PXDNL: variants seen among roughly 807,000 people sequenced by gnomAD.
PXDNL encodes the protein peroxidasin like.
In PXDNL, 145 loss-of-function variants were observed where a neutral mutation model predicts 150.8. The observed-to-expected ratio is 0.96, with a 90% CI of 0.84 to 1.10. PXDNL has a LOEUF of 1.10. PXDNL is among the 50% of genes least tolerant of loss of function. The probability of loss-of-function intolerance (pLI) is 0.00; values close to 1 mark genes in which losing one functional copy is unlikely to be tolerated. For missense variants in PXDNL, 2,087 were observed against 1,873.9 expected (o/e 1.11, Z -2.10); for synonymous variants, 757 against 725.7 (o/e 1.04, Z -0.69).
At chr8:51,744,921 A>G (rs536713383) in intron 1 of PXDNL, among the ~76,000 whole-genome samples, 15 of 124,352 alleles carry the variant, frequency 1.2e-4, no homozygotes, top group African/African-American at 4.0e-4. Flanking sequence ...AAGGAAGGAA[A>G]GAAAGAAAAA....
chr8:51,455,283 G>A (rs1477912828), intron 9 of PXDNL, among the ~76,000 whole-genome samples: 1 of 152,030 alleles, frequency 6.6e-6, no homozygotes, highest in African/African-American at 2.4e-5. Flanking sequence ...AGTAGCACTA[G>A]AGGGTGAATC....
chr8:51,324,516 T>C (rs182805283), intron 21 of PXDNL, among the ~76,000 whole-genome samples: 1 of 152,338 alleles, frequency 6.6e-6, no homozygotes, highest in Non-Finnish European at 1.5e-5. Flanking sequence ...TCTTTGGAAT[T>C]GTCCTTCCCT....
chr8:51,705,094 A>G (rs1277918610), intron 1 of PXDNL, among the ~76,000 whole-genome samples: 1 of 152,132 alleles, frequency 6.6e-6, no homozygotes, highest in Non-Finnish European at 1.5e-5. Context: ...TAAGACTGAG[A>G]CCAGAAAGAA....
intron 2 of PXDNL, among the ~76,000 whole-genome samples, chr8:51,602,267 C>T (rs1019903919): frequency 7.2e-5 from 11 of 151,972 alleles, no homozygotes; most frequent in African/African-American, 2.7e-4. Context: ...ATTCCAAGTA[C>T]ATTTTCCATG....
At chr8:51,468,321 T>C (rs930472647) in intron 8 of PXDNL, among the ~76,000 whole-genome samples, 1 of 151,994 alleles carries the variant, frequency 6.6e-6, no homozygotes, top group Non-Finnish European at 1.5e-5. Flanking sequence ...TTGTTAGGTA[T>C]ATAAAGGTTC....
At chr8:51,655,983 T>A (rs1815141032) in intron 1 of PXDNL, among the ~76,000 whole-genome samples, 1 of 152,194 alleles carries the variant, frequency 6.6e-6, no homozygotes, top group Non-Finnish European at 1.5e-5. Context: ...TTTGATAAAC[T>A]AATTTGAGCT....
chr8:51,472,167 T>G lies in PXDNL; in HGVS notation c.812+20A>C, dbSNP rs77673093. 2.7e-6 allele frequency: 4 copies of G among 1,489,584 alleles called. No homozygotes were observed. The East Asian group carries it at 9.0e-5, about 34-fold the overall frequency. The allele number at this position is 1,489,584 out of a possible 1,614,324, so 92.3% of individuals were successfully genotyped here. ...GAATCAGAAGGAGAATCACAACCCA[T>G]GTCCATGCTCAGTATTTACTTGTTG... On this transcript the variant is annotated intron_variant, in intron 8 of 22. Transcript: ENST00000356297.
chr8:51,705,832 T>TGCGCGCGCGCGC (rs10589855), intron 1 of PXDNL, among the ~76,000 whole-genome samples: 1 of 149,606 alleles, frequency 6.7e-6, no homozygotes, highest in Non-Finnish European at 1.5e-5. Context: ...TGTGTGTGTG[T>TGCGCGCGCGCGC]GCGCGCGCGC....
Position 51,757,466 on chromosome 8 carries a change from A to G in PXDNL, c.164+51715T>C, listed in dbSNP as rs113379273. On this transcript the variant is annotated intron_variant, in intron 1 of 22. Transcript: ENST00000356297. ...TGCCTTTGCTGCTTCTAAGCTGGGA[A>G]TTAGATGGGAACACTTTTGTGATTT... Among the ~76,000 whole-genome samples the G allele has an allele frequency of 2.5e-3, 387 of 152,322 alleles. 4 individuals carry two copies. Among genetic ancestry groups the G allele is most frequent in the African/African-American group, 8.9e-3 (370 of 41,574 alleles).
chr8:51,643,231 C>T (rs968492711), intron 2 of PXDNL, among the ~76,000 whole-genome samples: 1 of 152,156 alleles, frequency 6.6e-6, no homozygotes, highest in Non-Finnish European at 1.5e-5. Flanking sequence ...GCCCACATTG[C>T]CAAGACAATC....
chr8:51,340,760 G>C (rs1805964233), intron 20 of PXDNL, among the ~76,000 whole-genome samples: 1 of 152,246 alleles, frequency 6.6e-6, no homozygotes, highest in Non-Finnish European at 1.5e-5. Flanking sequence ...CTGAGGCACT[G>C]TGAGCTAGAG....
At chr8:51,642,006 C>T (rs1276951713) in intron 2 of PXDNL, among the ~76,000 whole-genome samples, 3 of 149,022 alleles carry the variant, frequency 2.0e-5, no homozygotes, top group Non-Finnish European at 4.4e-5. Flanking sequence ...CACATATACA[C>T]CATGGAATAC....
intron 1 of PXDNL, among the ~76,000 whole-genome samples, chr8:51,780,329 G>A (rs1042059650): frequency 2.6e-5 from 4 of 152,136 alleles, no homozygotes; most frequent in African/African-American, 9.7e-5. Flanking sequence ...GTAGATAGCT[G>A]AAAATGCCAC....
intron 3 of PXDNL, among the ~76,000 whole-genome samples, chr8:51,558,505 A>G (rs1442484079): frequency 6.6e-6 from 1 of 152,120 alleles, no homozygotes; most frequent in Non-Finnish European, 1.5e-5. Context: ...ACTGAGAGGC[A>G]TACAAACACT....
rs1351260805 is a variant in PXDNL, at chr8:51,408,605, C to G, written c.3019G>C (p.Ala1007Pro). The G allele has an allele frequency of 6.2e-7, 1 of 1,611,266 alleles. No homozygotes were observed. The highest frequency in any genetic ancestry group is 8.5e-7 in the Non-Finnish European group (1 of 1,178,818). The change falls in exon 17 of 23, where the codon GCG becomes CCG. Residue 1007 changes from alanine to proline, a missense_variant. Physicochemically the swap from Ala to Pro is conservative, Grantham distance 27. Transcript: ENST00000356297. Reference protein sequence around the residue: ...VYQEARKIVGAELQHITYSHW... With the variant: ...VYQEARKIVGPELQHITYSHW... ...CTGTAGGTGATGTGCTGCAGCTCCG[C>G]GCCCACGATCTTCCTGGCTTCCTGG...
At chr8:51,537,613 A>G (rs900368177) in intron 4 of PXDNL, among the ~76,000 whole-genome samples, 2 of 152,012 alleles carry the variant, frequency 1.3e-5, no homozygotes, top group Non-Finnish European at 1.5e-5. Context: ...CCACTGACCT[A>G]TTTCTCAGTG....
chr8:51,549,865 T>C (rs1029161734), intron 4 of PXDNL, among the ~76,000 whole-genome samples: 10 of 151,298 alleles, frequency 6.6e-5, no homozygotes, highest in African/African-American at 2.4e-4. Flanking sequence ...AAACAAACAA[T>C]ACAATACAAA....
intron 1 of PXDNL, among the ~76,000 whole-genome samples, chr8:51,757,814 G>GT: frequency 6.6e-6 from 1 of 152,108 alleles, no homozygotes; most frequent in South Asian, 2.1e-4. Context: ...AATGTCTTTG[G>GT]TTTTTTTCTG....
At chr8:51,543,669 G>A (rs1377529669) in intron 4 of PXDNL, among the ~76,000 whole-genome samples, 2 of 137,250 alleles carry the variant, frequency 1.5e-5, no homozygotes, top group Non-Finnish European at 3.0e-5. Context: ...TCGAGATCAC[G>A]CCATTGCACT....
Sources: allele counts gnomAD v4.1 joint callset (sites outside exome capture counted in the v4.1 genomes callset), GRCh38; gene constraint gnomAD v4.1.1; transcripts MANE v1.5; gene names NCBI Gene and HGNC (gene_info 2026-07-23, HGNC 2026-07-21).